Variants in ASTN2 observed in about 807,000 individuals in gnomAD.
ASTN2 encodes astrotactin 2.
A neutral mutation model predicts 139.8 loss-of-function variants in ASTN2; 54 were observed. The ratio of observed to expected loss-of-function variants is 0.39; its 90% CI spans 0.31 to 0.48. The LOEUF (loss-of-function observed/expected upper bound fraction) is 0.48, where lower values mean the gene tolerates loss of function less well. Among genes scored for constraint, ASTN2 ranks in the 20% least tolerant of loss-of-function variants. ASTN2 has a pLI of 0.95. For synonymous variants in ASTN2, 756 were observed against 719.5 expected (o/e 1.05, Z -0.81); for missense variants, 1,565 against 1,725.1 (o/e 0.91, Z 1.64).
At chr9:117,217,799 C>T (rs974813444) in intron 2 of ASTN2, among the ~76,000 whole-genome samples, 3 of 152,134 alleles carry the variant, frequency 2.0e-5, no homozygotes, top group African/African-American at 7.2e-5. Context: ...CTGTGTTGAA[C>T]GAATAAAGGA....
intron 5 of ASTN2, among the ~76,000 whole-genome samples, chr9:117,091,025 C>G (rs550072747): frequency 6.6e-6 from 1 of 152,308 alleles, no homozygotes; most frequent in East Asian, 1.9e-4. Flanking sequence ...TTTTCACCAC[C>G]AAGGCCCTCT....
At chr9:116,532,036 T>C (rs1851375862) in intron 19 of ASTN2, among the ~76,000 whole-genome samples, 1 of 152,242 alleles carries the variant, frequency 6.6e-6, no homozygotes, top group African/African-American at 2.4e-5. Context: ...TGTTGTTTCC[T>C]GACTTTTCAA....
intron 3 of ASTN2, among the ~76,000 whole-genome samples, chr9:117,162,087 T>C (rs1026219150): frequency 6.6e-6 from 1 of 151,872 alleles, no homozygotes; most frequent in Non-Finnish European, 1.5e-5. Context: ...TCAAAATGAG[T>C]TGGAGGTAGA....
At chr9:116,751,466 T>C (rs1216912036) in intron 13 of ASTN2, among the ~76,000 whole-genome samples, 1 of 152,160 alleles carries the variant, frequency 6.6e-6, no homozygotes, top group East Asian at 1.9e-4. Context: ...TGCTGAATTG[T>C]TGTGGAATTA....
chr9:116,701,880 GTTTT>G (rs11395772), intron 16 of ASTN2, among the ~76,000 whole-genome samples: 3 of 133,346 alleles, frequency 2.2e-5, no homozygotes, highest in African/African-American at 5.6e-5. Context: ...AGTTTTTTGG[GTTTT>G]TTTTTTTTTT....
chr9:116,994,641 T>C (rs1836959299), intron 7 of ASTN2, among the ~76,000 whole-genome samples: 1 of 152,326 alleles, frequency 6.6e-6, no homozygotes, highest in Non-Finnish European at 1.5e-5. Flanking sequence ...TAACATTTTA[T>C]TTCATTTTAA....
chr9:117,209,196 C>T, intron 3 of ASTN2, among the ~76,000 whole-genome samples: 1 of 152,048 alleles, frequency 6.6e-6, no homozygotes, highest in East Asian at 1.9e-4. Context: ...GATTAGTTCC[C>T]ACCTATCAAC....
chr9:116,448,642 C>T (rs181057290), intron 20 of ASTN2, among the ~76,000 whole-genome samples: 21 of 152,292 alleles, frequency 1.4e-4, no homozygotes, highest in Admixed American at 1.1e-3. Flanking sequence ...TAGCAAGAAG[C>T]TACTGAGCAA....
intron 16 of ASTN2, among the ~76,000 whole-genome samples, chr9:116,717,843 A>C (rs1828357325): frequency 6.6e-6 from 1 of 152,212 alleles, no homozygotes; most frequent in South Asian, 2.1e-4. Flanking sequence ...CTTTCATCCC[A>C]AATAAAACAC....
intron 2 of ASTN2, among the ~76,000 whole-genome samples, chr9:117,238,042 C>T (rs533297110): frequency 6.6e-6 from 1 of 152,172 alleles, no homozygotes; most frequent in Admixed American, 6.5e-5. Flanking sequence ...ACAAGTGATG[C>T]TGCACAGTGA....
At chr9:117,121,193 C>T (rs1480568929) in intron 4 of ASTN2, among the ~76,000 whole-genome samples, 1 of 152,176 alleles carries the variant, frequency 6.6e-6, no homozygotes, top group African/African-American at 2.4e-5. Context: ...AGAACATGGA[C>T]CATCTAGATA....
chr9:117,164,045 T>A lies in ASTN2; in HGVS notation c.1016-22567A>T, dbSNP rs576378395. On this transcript the variant is annotated intron_variant, in intron 3 of 22. Coordinates refer to ENST00000313400, the MANE Select transcript of ASTN2 (RefSeq NM_001365068.1). ...CATCAGTTTCAAAGCACTGATCTTT[T>A]TGAGTTCAGTGATTTTTTGATTGAT... 3.5e-4 allele frequency among the ~76,000 whole-genome samples: 54 copies of A among 152,126 alleles called. 1 individual carries two copies. The highest frequency in any genetic ancestry group is 1.3e-3 in the African/African-American group (54 of 41,534).
At position 117,389,620 on chromosome 9, in the gene ASTN2, G is replaced by T. The variant is rs187937407; in HGVS notation, c.442+24877C>A. On this transcript the variant is annotated intron_variant, in intron 1 of 22. Coordinates refer to ENST00000313400, the MANE Select transcript of ASTN2 (RefSeq NM_001365068.1). ...ACTCAGACTTGACACTATGGAGGCA[G>T]GAAGAAGGACCATATTCGACACTGG... 2.0e-5 allele frequency among the ~76,000 whole-genome samples: 3 copies of T among 152,242 alleles called. No homozygotes were observed. The East Asian group carries it at 5.8e-4, about 29-fold the overall frequency.
intron 13 of ASTN2, among the ~76,000 whole-genome samples, chr9:116,792,622 G>A (rs1317342373): frequency 3.3e-5 from 5 of 152,102 alleles, no homozygotes; most frequent in South Asian, 4.1e-4. Context: ...ATTATGCACC[G>A]GGGGCCTATT....
intron 19 of ASTN2, among the ~76,000 whole-genome samples, chr9:116,571,241 T>C (rs895750258): frequency 2.6e-5 from 4 of 152,132 alleles, no homozygotes; most frequent in African/African-American, 4.8e-5. Context: ...GTCTATGTGG[T>C]TTCCCCAAGG....
At chr9:116,442,791 T>C (rs922929664) in intron 20 of ASTN2, among the ~76,000 whole-genome samples, 4 of 152,228 alleles carry the variant, frequency 2.6e-5, no homozygotes, top group African/African-American at 9.6e-5. Context: ...GAGACTTAGA[T>C]TGTGTATCTT....
rs117113881 is a variant in ASTN2 at position 116,948,046 on chromosome 9, G to A, written c.1889+27162C>T. On this transcript the variant is annotated intron_variant, in intron 10 of 22. Coordinates refer to ENST00000313400, the MANE Select transcript of ASTN2 (RefSeq NM_001365068.1). Reference sequence around the variant, plus strand: ...TTATCTGATGTTTCTTCATAATTAGGTTCAGGACTTACGTCTTCAGATGGA... The same window carrying A: ...TTATCTGATGTTTCTTCATAATTAGATTCAGGACTTACGTCTTCAGATGGA... 1.0e-2 allele frequency among the ~76,000 whole-genome samples: 1,519 copies of A among 152,258 alleles called. 4 individuals carry two copies. The highest frequency in any genetic ancestry group is 0.017 in the Non-Finnish European group (1,132 of 68,026).
intron 2 of ASTN2, among the ~76,000 whole-genome samples, chr9:117,268,472 A>G (rs564846814): frequency 6.6e-6 from 1 of 151,872 alleles, no homozygotes; most frequent in South Asian, 2.1e-4. Context: ...TTCCTTAATC[A>G]CTCTGGCTAG....
chr9:117,005,871 CATTGTGGTGTTTAATTGA>C (rs71379249), intron 7 of ASTN2, among the ~76,000 whole-genome samples: 11,073 of 152,100 alleles, frequency 0.073, 573 homozygotes, highest in Middle Eastern at 0.12. Flanking sequence ...ACTTGTTTCC[CATTGTGGTGTTTAATTGA>C]ATCTGTGCCT....
Sources: gnomAD v4.1 joint callset for allele counts (sites outside exome capture counted in the v4.1 genomes callset) on GRCh38, gnomAD v4.1.1 for gene constraint, MANE v1.5 for transcripts, NCBI Gene and HGNC (gene_info 2026-07-23, HGNC 2026-07-21) for gene names.